Variants in EYS observed in about 807,000 individuals in gnomAD.
The protein encoded by EYS is protein eyes shut homolog.
In EYS, 250 loss-of-function variants were observed where a neutral mutation model predicts 282.1. The observed-to-expected ratio is 0.89, with a 90% confidence interval of 0.80 to 0.98. EYS has a LOEUF of 0.98. EYS is among the 50% of genes least tolerant of loss of function. The pLI, the probability that EYS is intolerant of heterozygous loss-of-function variation, is 0.00. For missense variants in EYS, 4,016 were observed against 3,709.0 expected (o/e 1.08, Z -2.15); for synonymous variants, 1,355 against 1,282.9 (o/e 1.06, Z -1.20).
At chr6:65,600,821 A>C (rs1765592117) in intron 2 of EYS, among the ~76,000 whole-genome samples, 1 of 151,816 alleles carries the variant, frequency 6.6e-6, no homozygotes. Flanking sequence ...CAAAAGTGGC[A>C]ATTTTCTCGG....
At chr6:64,170,518 C>G (rs566572945) in intron 31 of EYS, among the ~76,000 whole-genome samples, 20 of 151,986 alleles carry the variant, frequency 1.3e-4, no homozygotes, top group African/African-American at 4.8e-4. Context: ...TGCTGGCAAT[C>G]TCTTATCTCT....
intron 29 of EYS, among the ~76,000 whole-genome samples, chr6:64,337,415 C>T (rs906790475): frequency 6.6e-6 from 1 of 151,914 alleles, no homozygotes; most frequent in Non-Finnish European, 1.5e-5. Flanking sequence ...ATACAATGCT[C>T]CTAGCTTAAA....
At chr6:64,310,866 C>T (rs558459270) in intron 29 of EYS, among the ~76,000 whole-genome samples, 2 of 152,030 alleles carry the variant, frequency 1.3e-5, no homozygotes, top group South Asian at 2.1e-4. Context: ...GCTGGAACCA[C>T]GTTGAATTTA....
chr6:63,815,171 G>A (rs1415393411), intron 36 of EYS, among the ~76,000 whole-genome samples: 1 of 152,116 alleles, frequency 6.6e-6, no homozygotes, highest in East Asian at 1.9e-4. Context: ...ATTAAAAATA[G>A]CAATTATAGT....
At chr6:65,667,167 T>C (rs1768229583) in intron 1 of EYS, among the ~76,000 whole-genome samples, 1 of 151,884 alleles carries the variant, frequency 6.6e-6, no homozygotes. Flanking sequence ...CTTCTGTTCT[T>C]GCTCTTACTT....
chr6:64,088,081 C>T (rs1327898252), intron 31 of EYS, among the ~76,000 whole-genome samples: 1 of 151,972 alleles, frequency 6.6e-6, no homozygotes, highest in Non-Finnish European at 1.5e-5. Flanking sequence ...TAAACATTTG[C>T]TATTGAATTG....
chr6:63,922,637 T>A (rs530117380), intron 35 of EYS, among the ~76,000 whole-genome samples: 68 of 152,122 alleles, frequency 4.5e-4, no homozygotes, highest in African/African-American at 1.6e-3. Context: ...CTATAATGAG[T>A]TTAAATAAAA....
chr6:64,943,146 A>C (rs1291399241), intron 15 of EYS, among the ~76,000 whole-genome samples: 1 of 152,106 alleles, frequency 6.6e-6, no homozygotes, highest in Non-Finnish European at 1.5e-5. Context: ...AAATTCTGCT[A>C]TGAAATTCAA....
In EYS at chr6:64,591,428, C is replaced by A. The variant is rs1244161958; in HGVS notation, c.4439G>T (p.Arg1480Ile). 1 of 1,551,348 alleles carries A rather than the reference C, an allele frequency of 6.4e-7. No individual in the cohort carries two copies. Among genetic ancestry groups the A allele is most frequent in the South Asian group, 1.2e-5 (1 of 84,056 alleles). Residue 1480 changes from arginine to isoleucine, a missense_variant, in exon 26 of 43, where the codon AGA becomes ATA. Transcript: ENST00000503581. ...GCTGAGCAATCTCCAGTGCTCTCTTCTTGAAATTAAAGAATCAGCTGAATA... is the reference window on the plus strand; with the variant it reads ...GCTGAGCAATCTCCAGTGCTCTCTTATTGAAATTAAAGAATCAGCTGAATA... ...EEYSADSLIS[R>I]REHWRLLSPS... is the part of the protein sequence containing the mutation.
At chr6:65,536,053 T>A (rs1767951650) in intron 2 of EYS, among the ~76,000 whole-genome samples, 1 of 151,844 alleles carries the variant, frequency 6.6e-6, no homozygotes, top group Admixed American at 6.6e-5. Context: ...TGTGGTGACG[T>A]GATGATGAAT....
At chr6:64,809,167 G>A (rs931146825) in intron 22 of EYS, among the ~76,000 whole-genome samples, 3 of 152,124 alleles carry the variant, frequency 2.0e-5, no homozygotes, top group African/African-American at 4.8e-5. Context: ...CTATATCTGG[G>A]TAACAACCAC....
chr6:64,099,145 C>T (rs571794592), intron 31 of EYS, among the ~76,000 whole-genome samples: 3 of 152,236 alleles, frequency 2.0e-5, no homozygotes, highest in African/African-American at 7.2e-5. Flanking sequence ...AATTCAATGG[C>T]TCATTAAGAT....
At chr6:64,293,642 T>G (rs981577673) in intron 30 of EYS, among the ~76,000 whole-genome samples, 6 of 152,146 alleles carry the variant, frequency 3.9e-5, no homozygotes, top group Admixed American at 2.6e-4. Flanking sequence ...TGTATGTAAA[T>G]GCTATGTTTC....
At chr6:63,888,977 TA>T (rs1267265356) in intron 35 of EYS, among the ~76,000 whole-genome samples, 1 of 152,080 alleles carries the variant, frequency 6.6e-6, no homozygotes, top group Non-Finnish European at 1.5e-5. Flanking sequence ...ACATAGCACG[TA>T]AACTTCATGA....
intron 5 of EYS, among the ~76,000 whole-genome samples, chr6:65,457,722 C>T (rs569589566): frequency 3.9e-4 from 60 of 152,214 alleles, no homozygotes; most frequent in African/African-American, 1.4e-3. Context: ...CGGAATCAAG[C>T]TGAAAGTTAC....
At chr6:64,763,379 T>A (rs1948855236) in intron 22 of EYS, among the ~76,000 whole-genome samples, 1 of 152,116 alleles carries the variant, frequency 6.6e-6, no homozygotes, top group Non-Finnish European at 1.5e-5. Context: ...CTTCATATGG[T>A]GGCTGGAGAG....
chr6:64,648,809 G>C (rs1249471944), intron 22 of EYS, among the ~76,000 whole-genome samples: 1 of 152,150 alleles, frequency 6.6e-6, no homozygotes. Flanking sequence ...ATTTTATTGA[G>C]ATAATTTATG....
intron 13 of EYS, among the ~76,000 whole-genome samples, chr6:65,016,091 C>T (rs9354206): frequency 0.066 from 9,853 of 149,482 alleles, 419 homozygotes; most frequent in East Asian, 0.13. Flanking sequence ...AAAACAGGCG[C>T]CATGGCTCAC....
intron 41 of EYS, among the ~76,000 whole-genome samples, chr6:63,733,089 A>G (rs546220012): frequency 5.7e-4 from 87 of 152,126 alleles, no homozygotes; most frequent in Non-Finnish European, 1.2e-3. Context: ...CTGGGGTGAT[A>G]GGGTTCCTAC....
Sources: gnomAD v4.1 joint callset for allele counts (sites outside exome capture counted in the v4.1 genomes callset) on GRCh38, gnomAD v4.1.1 for gene constraint, MANE v1.5 for transcripts, NCBI Gene and HGNC (gene_info 2026-07-23, HGNC 2026-07-21) for gene names.